AGBL1: variants seen among roughly 807,000 people sequenced by gnomAD.
AGBL1 encodes the protein cytosolic carboxypeptidase 4.
AGBL1 carries 130 observed loss-of-function variants against 118.9 expected under a neutral mutation model. The observed-to-expected ratio is 1.09, with a 90% confidence interval of 0.95 to 1.26. The LOEUF (loss-of-function observed/expected upper bound fraction) is 1.26. Among genes scored for constraint, AGBL1 ranks in the 50% most tolerant of loss-of-function variants. AGBL1 has a pLI of 0.00. For missense variants in AGBL1, 1,584 were observed against 1,298.1 expected (o/e 1.22, Z -3.38); for synonymous variants, 555 against 478.9 (o/e 1.16, Z -2.08).
intron 13 of AGBL1, among the ~76,000 whole-genome samples, chr15:86,268,971 A>G (rs1203976545): frequency 6.6e-6 from 1 of 152,248 alleles, no homozygotes; most frequent in Non-Finnish European, 1.5e-5. Flanking sequence ...CATTTTTAAA[A>G]ATGAAATATC....
At chr15:86,602,245 AG>A (rs2084508121) in intron 21 of AGBL1, among the ~76,000 whole-genome samples, 1 of 152,062 alleles carries the variant, frequency 6.6e-6, no homozygotes, top group Non-Finnish European at 1.5e-5. Context: ...GTATGGTGGG[AG>A]TGGGGTTGGT....
chr15:86,093,830 A>T (rs1454650509), intron 1 of AGBL1, among the ~76,000 whole-genome samples: 8 of 152,146 alleles, frequency 5.3e-5, no homozygotes, highest in African/African-American at 1.7e-4. Flanking sequence ...GAAGCAGAGA[A>T]TGAGGCAGCA....
chr15:86,830,486 T>C (rs948298432), intron 22 of AGBL1, among the ~76,000 whole-genome samples: 3 of 152,216 alleles, frequency 2.0e-5, no homozygotes, highest in African/African-American at 7.2e-5. Context: ...TCCAGGCATG[T>C]GAACTAGTCT....
chr15:86,493,202 C>G (rs916666981), intron 18 of AGBL1, among the ~76,000 whole-genome samples: 9 of 151,630 alleles, frequency 5.9e-5, no homozygotes, highest in African/African-American at 2.2e-4. Context: ...CAGAAACAAA[C>G]AAACAAACAA....
rs181740288 is a variant in AGBL1 at position 86,754,100 on chromosome 15, A to G, written c.3158+79664A>G. Among the ~76,000 whole-genome samples the G allele has an allele frequency of 5.3e-5, 8 of 152,254 alleles. No individual in the cohort carries two copies. The East Asian group carries it at 1.5e-3, about 29-fold the overall frequency. On this transcript the variant is annotated intron_variant, in intron 22 of 22. Transcript: ENST00000614907. ...ATACTAAATTAGAATGGTTAATTCA[A>G]ATTTTATTAGTAGAAGAGCTCTAAC...
chr15:86,305,617 G>C lies in AGBL1; in HGVS notation c.2374+10209G>C, dbSNP rs1477405992. ...TTGTCTAACAAATGCATAAATTAGA[G>C]TTAGAAATGTGAAAATAACTCCATA... is the stretch of plus-strand genomic sequence containing the variant. On this transcript the variant is annotated intron_variant, in intron 17 of 22. Coordinates refer to ENST00000614907, the MANE Select transcript of AGBL1 (RefSeq NM_001386094.1). 6.6e-5 allele frequency among the ~76,000 whole-genome samples: 10 copies of C among 152,248 alleles called. No individual in the cohort carries two copies. The East Asian group carries it at 1.9e-3, about 29-fold the overall frequency.
intron 21 of AGBL1, among the ~76,000 whole-genome samples, chr15:86,572,952 C>T (rs997013639): frequency 6.6e-6 from 1 of 152,258 alleles, no homozygotes; most frequent in Non-Finnish European, 1.5e-5. Context: ...CCTTAAGAAT[C>T]ATCTCTATTT....
At position 86,410,835 on chromosome 15, in the gene AGBL1, T is replaced by TGATATACTATTTTATATATAAA. The variant is rs1567242825; in HGVS notation, c.2555+13289_2555+13290insGATATACTATTTTATATATAAA. Among the ~76,000 whole-genome samples, 7 of 102,598 alleles carry TGATATACTATTTTATATATAAA rather than the reference T, an allele frequency of 6.8e-5. 1 individual carries two copies. Among genetic ancestry groups the TGATATACTATTTTATATATAAA allele is most frequent in the East Asian group, 5.3e-4 (2 of 3,802 alleles). 67.3% of individuals were successfully genotyped at this position (102,598 alleles called of 152,430 possible). On this transcript the variant is annotated intron_variant, in intron 18 of 22. Transcript: ENST00000614907. ...ATATATATATATATATATATATATA[T>TGATATACTATTTTATATATAAA]ATATATAATATACTATTTTATATAT...
intron 18 of AGBL1, among the ~76,000 whole-genome samples, chr15:86,443,817 T>C (rs1352807720): frequency 2.0e-5 from 3 of 152,200 alleles, no homozygotes; most frequent in African/African-American, 7.2e-5. Context: ...CCATTGCATA[T>C]ATATAGGCCA....
chr15:86,653,815 G>T (rs142721227), intron 21 of AGBL1, among the ~76,000 whole-genome samples: 169 of 152,172 alleles, frequency 1.1e-3, no homozygotes, highest in African/African-American at 3.9e-3. Context: ...CCTTGGGCTG[G>T]AACTAGCCAA....
At chr15:86,328,526 GT>G (rs1389844983) in intron 17 of AGBL1, among the ~76,000 whole-genome samples, 1 of 152,112 alleles carries the variant, frequency 6.6e-6, no homozygotes, top group African/African-American at 2.4e-5. Flanking sequence ...TAGAATGATA[GT>G]GCACAAAGAT....
chr15:86,484,203 A>G (rs1389134690), intron 18 of AGBL1, among the ~76,000 whole-genome samples: 1 of 152,110 alleles, frequency 6.6e-6, no homozygotes, highest in Non-Finnish European at 1.5e-5. Flanking sequence ...TGTAATTGAG[A>G]ACCTGTAATT....
intron 20 of AGBL1, among the ~76,000 whole-genome samples, chr15:86,549,902 G>GAGGA (rs1180465731): frequency 7.4e-4 from 98 of 132,710 alleles, no homozygotes; most frequent in African/African-American, 1.5e-3. Context: ...GGGAGGGAGG[G>GAGGA]AGGAAGGAAG....
At chr15:86,315,558 A>G (rs1006589421) in intron 17 of AGBL1, among the ~76,000 whole-genome samples, 3 of 151,864 alleles carry the variant, frequency 2.0e-5, no homozygotes, top group Non-Finnish European at 4.4e-5. Flanking sequence ...TACTAATAAT[A>G]CAAAAAAAAA....
At chr15:86,115,362 C>T (rs866756619) in intron 1 of AGBL1, among the ~76,000 whole-genome samples, 16 of 152,118 alleles carry the variant, frequency 1.1e-4, no homozygotes, top group African/African-American at 3.6e-4. Flanking sequence ...AAACATAGCA[C>T]GATGTGCATT....
At chr15:86,759,608 G>C (rs1379327793) in intron 22 of AGBL1, among the ~76,000 whole-genome samples, 5 of 152,056 alleles carry the variant, frequency 3.3e-5, no homozygotes, top group African/African-American at 1.2e-4. Flanking sequence ...GTTTCCCTTT[G>C]TAACATTTGG....
At chr15:86,783,238 A>G (rs1323907418) in intron 22 of AGBL1, among the ~76,000 whole-genome samples, 1 of 152,128 alleles carries the variant, frequency 6.6e-6, no homozygotes, top group Admixed American at 6.5e-5. Context: ...TTATTCTTCT[A>G]CCACGAGTCC....
At chr15:86,540,704 A>G (rs573667497) in intron 19 of AGBL1, among the ~76,000 whole-genome samples, 7 of 152,328 alleles carry the variant, frequency 4.6e-5, no homozygotes, top group African/African-American at 1.7e-4. Context: ...GGTAGAAAAG[A>G]AAAAGCTTCC....
chr15:86,733,189 T>C (rs2077549490), intron 22 of AGBL1, among the ~76,000 whole-genome samples: 1 of 151,892 alleles, frequency 6.6e-6, no homozygotes, highest in Admixed American at 6.6e-5. Flanking sequence ...AAAAAGCCAA[T>C]GGTATAGTGC....
Sources: gnomAD v4.1 joint callset for allele counts (sites outside exome capture counted in the v4.1 genomes callset) on GRCh38, gnomAD v4.1.1 for gene constraint, MANE v1.5 for transcripts, NCBI Gene and HGNC (gene_info 2026-07-23, HGNC 2026-07-21) for gene names.